The following CRPPA variants were observed in gnomAD, a reference collection of about 807,000 sequenced individuals.
CRPPA encodes the protein CDP-L-ribitol pyrophosphorylase A, also known as D-ribitol-5-phosphate cytidylyltransferase.
CRPPA carries 43 observed loss-of-function variants against 52.0 expected under a neutral mutation model. The ratio of observed to expected loss-of-function variants is 0.83; its 90% CI spans 0.65 to 1.07. The LOEUF (loss-of-function observed/expected upper bound fraction) is 1.07. Ranked by LOEUF, CRPPA falls within the 50% of genes least tolerant of loss-of-function variation. The pLI is 0.00. For synonymous variants in CRPPA, 250 were observed against 203.5 expected (o/e 1.23, Z -1.94); for missense variants, 629 against 551.7 (o/e 1.14, Z -1.40).
At chr7:16,207,643 G>T (rs1415880837) in intron 9 of CRPPA, among the ~76,000 whole-genome samples, 1 of 152,160 alleles carries the variant, frequency 6.6e-6, no homozygotes, top group Non-Finnish European at 1.5e-5. Context: ...ATAATGCCAT[G>T]TACATTAGAA....
intron 9 of CRPPA, among the ~76,000 whole-genome samples, chr7:16,194,456 T>G (rs761738568): frequency 2.6e-5 from 4 of 152,108 alleles, no homozygotes; most frequent in Non-Finnish European, 4.4e-5. Context: ...CCCCTAAATT[T>G]GACTATAAAG....
At chr7:16,197,454 C>T (rs1350843140) in intron 9 of CRPPA, among the ~76,000 whole-genome samples, 3 of 152,104 alleles carry the variant, frequency 2.0e-5, no homozygotes, top group African/African-American at 7.2e-5. Flanking sequence ...CCTCTGGCCT[C>T]AGCCTCCAGG....
intron 8 of CRPPA, among the ~76,000 whole-genome samples, chr7:16,221,515 A>G (rs1782503354): frequency 6.6e-6 from 1 of 152,206 alleles, no homozygotes; most frequent in South Asian, 2.1e-4. Flanking sequence ...GGCAACCTAC[A>G]AAATGGGAGA....
At position 16,236,962 on chromosome 7, in the gene CRPPA, A is replaced by ACG. The variant is rs562860374; in HGVS notation, c.1120-20766_1120-20765insCG. On this transcript the variant is annotated intron_variant, in intron 8 of 9. Coordinates refer to ENST00000407010, the MANE Select transcript of CRPPA (RefSeq NM_001101426.4). ...CTTTCGTGCGCGCGCACACACACAC[A>ACG]CACACACACAAACTTTTGAATATGA... 4.4e-3 allele frequency among the ~76,000 whole-genome samples: 669 copies of ACG among 151,902 alleles called. 6 individuals carry two copies. The highest frequency in any genetic ancestry group is 0.015 in the African/African-American group (625 of 41,450).
chr7:16,250,998 A>C (rs1422129571), intron 8 of CRPPA, among the ~76,000 whole-genome samples: 2 of 152,170 alleles, frequency 1.3e-5, no homozygotes, highest in African/African-American at 4.8e-5. Flanking sequence ...ATGCAAAGAC[A>C]TACATACACT....
At chr7:16,256,046 T>A (rs1361532838) in intron 8 of CRPPA, among the ~76,000 whole-genome samples, 1 of 152,158 alleles carries the variant, frequency 6.6e-6, no homozygotes, top group Admixed American at 6.6e-5. Context: ...TCTATCTATC[T>A]GACAAAGGTC....
intron 9 of CRPPA, among the ~76,000 whole-genome samples, chr7:16,214,505 A>G (rs1188678834): frequency 1.3e-5 from 2 of 150,046 alleles, no homozygotes; most frequent in Non-Finnish European, 3.0e-5. Context: ...AACAAAAAAG[A>G]TTTTTTTTTT....
chr7:16,328,565 A>G (rs568998951), intron 3 of CRPPA, among the ~76,000 whole-genome samples: 1 of 152,232 alleles, frequency 6.6e-6, no homozygotes, highest in Admixed American at 6.5e-5. Context: ...CCCAGGCAGG[A>G]GTGCAGTGGT....
At chr7:16,379,450 T>G (rs1292227586) in intron 2 of CRPPA, among the ~76,000 whole-genome samples, 3 of 152,228 alleles carry the variant, frequency 2.0e-5, no homozygotes, top group Non-Finnish European at 4.4e-5. Flanking sequence ...TTCTTTTGGC[T>G]TAGGATTGAC....
intron 5 of CRPPA, among the ~76,000 whole-genome samples, chr7:16,286,097 A>AAAAAATTATATATATAT: frequency 2.6e-5 from 1 of 39,130 alleles, no homozygotes; most frequent in Non-Finnish European, 4.1e-5. Flanking sequence ...TAAAAAAAAA[A>AAAAAATTATATATATAT]ATATATATAT....
At chr7:16,238,600 A>G (rs981508954) in intron 8 of CRPPA, among the ~76,000 whole-genome samples, 1 of 152,144 alleles carries the variant, frequency 6.6e-6, no homozygotes, top group Admixed American at 6.5e-5. Context: ...AAAAAGGAGG[A>G]TAAGAAATGG....
At chr7:16,203,755 A>G (rs1185801739) in intron 9 of CRPPA, among the ~76,000 whole-genome samples, 1 of 152,172 alleles carries the variant, frequency 6.6e-6, no homozygotes, top group Non-Finnish European at 1.5e-5. Flanking sequence ...GCCATTAAGA[A>G]GTCCCAACTG....
intron 5 of CRPPA, among the ~76,000 whole-genome samples, chr7:16,292,022 C>T (rs1472672468): frequency 6.6e-6 from 1 of 151,914 alleles, no homozygotes; most frequent in Non-Finnish European, 1.5e-5. Context: ...GTACTTGTTA[C>T]ATGCCTCCCT....
chr7:16,400,646 C>T (rs377323368), intron 2 of CRPPA, among the ~76,000 whole-genome samples: 3 of 152,200 alleles, frequency 2.0e-5, no homozygotes, highest in African/African-American at 4.8e-5. Flanking sequence ...ATTTTTGACA[C>T]GTGACTGACA....
chr7:16,091,758 G>T lies in CRPPA; in HGVS notation c.1293C>A (p.Ile431=). The T allele has an allele frequency of 6.4e-7, 1 of 1,562,188 alleles. No homozygotes were observed. Among genetic ancestry groups the T allele is most frequent in the South Asian group, 1.2e-5 (1 of 83,854 alleles). Residue 431 remains isoleucine (I), a synonymous_variant, in exon 10 of 10, where the codon ATC becomes ATA. Coordinates refer to ENST00000407010, the MANE Select transcript of CRPPA (RefSeq NM_001101426.4). ...KLQESLRQGA[I]IIASLIKERN... ...TTTCCTTGATTAATGAAGCAATAAT[G>T]ATAGCACCTTGCCTTAAACTCTCCT... is the stretch of plus-strand genomic sequence containing the variant.
At chr7:16,349,034 A>AG (rs1786084692) in intron 3 of CRPPA, among the ~76,000 whole-genome samples, 1 of 152,218 alleles carries the variant, frequency 6.6e-6, no homozygotes, top group Admixed American at 6.5e-5. Flanking sequence ...CTTGAATGTG[A>AG]GTACAATATT....
At chr7:16,254,485 A>G (rs1466630870) in intron 8 of CRPPA, among the ~76,000 whole-genome samples, 2 of 152,054 alleles carry the variant, frequency 1.3e-5, no homozygotes, top group Non-Finnish European at 2.9e-5. Context: ...AACTATTGCA[A>G]GGACAGAAAA....
intron 6 of CRPPA, among the ~76,000 whole-genome samples, chr7:16,263,756 TA>T (rs59366655): frequency 5.7e-4 from 79 of 138,458 alleles, no homozygotes; most frequent in African/African-American, 6.0e-4. Context: ...CATTTCAAAA[TA>T]AAAAAAAAAA....
intron 5 of CRPPA, among the ~76,000 whole-genome samples, chr7:16,280,379 G>C (rs1234317715): frequency 1.3e-5 from 2 of 152,196 alleles, no homozygotes; most frequent in East Asian, 1.9e-4. Flanking sequence ...TACATGTTTA[G>C]AGAAATCTGG....
Sources: gnomAD v4.1 joint callset for allele counts (sites outside exome capture counted in the v4.1 genomes callset) on GRCh38, gnomAD v4.1.1 for gene constraint, MANE v1.5 for transcripts, NCBI Gene and HGNC (gene_info 2026-07-23, HGNC 2026-07-21) for gene names.